The following TTN variants were observed in gnomAD, a reference collection of about 807,000 sequenced individuals.
TTN encodes the protein connectin.
TTN carries 1,525 observed loss-of-function variants against 3,223.0 expected under a neutral mutation model. That is an observed-to-expected ratio of 0.47 (90% CI 0.45 to 0.49). TTN has a LOEUF of 0.49. Among genes scored for constraint, TTN ranks in the 20% least tolerant of loss-of-function variants. TTN has a pLI of 0.00. For synonymous variants in TTN, 14,094 were observed against 15,161.0 expected (o/e 0.93, Z 5.17); for missense variants, 40,786 against 43,424.0 (o/e 0.94, Z 5.40).
Position 178,605,408 on chromosome 2 carries a change from C to T in TTN, c.53881+6G>A, listed in dbSNP as rs1553682704. Reference sequence around the variant, plus strand: ...TTAAAATTATTATTATATTCAGATTCCGCACCTTCATCATCTTGTATGACT... The same window carrying T: ...TTAAAATTATTATTATATTCAGATTTCGCACCTTCATCATCTTGTATGACT... On this transcript the variant is annotated splice_donor_region_variant and intron_variant, in intron 279 of 362. Coordinates refer to ENST00000589042, the MANE Select transcript of TTN (RefSeq NM_001267550.2). 1 of 1,573,972 alleles carries T rather than the reference C, an allele frequency of 6.4e-7. No homozygotes were observed. The highest frequency in any genetic ancestry group is 8.6e-7 in the Non-Finnish European group (1 of 1,160,942).
chr2:178,624,316 A>G lies in TTN; in HGVS notation c.44815+149T>C. The G allele has an allele frequency of 3.3e-6, 3 of 913,210 alleles. No homozygotes were observed. The South Asian group carries it at 4.8e-5, about 14-fold the overall frequency. 56.6% of individuals were successfully genotyped at this position (913,210 alleles called of 1,614,324 possible). ...CTTTTCTTTTTTTCTTTAAACACATAAAGGATCAGGTTAGGTCAGTGTCAA... is the reference window on the plus strand; with the variant it reads ...CTTTTCTTTTTTTCTTTAAACACATGAAGGATCAGGTTAGGTCAGTGTCAA... On this transcript the variant is annotated intron_variant, in intron 242 of 362. Coordinates refer to ENST00000589042, the MANE Select transcript of TTN (RefSeq NM_001267550.2).
At position 178,540,320 on chromosome 2, in the gene TTN, A is replaced by T; in HGVS notation, c.97846T>A (p.Ser32616Thr). 3 of 1,613,712 alleles carry T rather than the reference A, an allele frequency of 1.9e-6. No homozygotes were observed. Among genetic ancestry groups the T allele is most frequent in the Non-Finnish European group, 2.5e-6 (3 of 1,179,704 alleles). ...GGAACACTCCAGGCCAGGGAGACTG[A>T]TGTCCTTGTTGTATCAGTAACTCTT... ...NPRVTDTTRT[S>T]VSLAWSVPED... The change falls in exon 351 of 363, where the codon TCA (serine) becomes ACA (threonine). Residue 32616 changes from serine (S) to threonine (T), a missense_variant. Transcript: ENST00000589042.
Position 178,553,902 on chromosome 2 carries a change from A to G in TTN, c.89197+12T>C, listed in dbSNP as rs747431999. 2.5e-6 allele frequency: 4 copies of G among 1,581,738 alleles called. No homozygotes were observed. In the East Asian group the frequency reaches 9.0e-5, roughly 35 times the overall value. ...AGACACAGGTGAAGATGCTGCAGGTATGAGCACTTACCAATAGGATCAGCA... is the reference window on the plus strand; with the variant it reads ...AGACACAGGTGAAGATGCTGCAGGTGTGAGCACTTACCAATAGGATCAGCA... On this transcript the variant is annotated intron_variant, in intron 333 of 362. Coordinates refer to ENST00000589042, the MANE Select transcript of TTN (RefSeq NM_001267550.2).
intron 308 of TTN, among the ~76,000 whole-genome samples, chr2:178,585,568 T>C (rs974901920): frequency 1.3e-5 from 2 of 151,974 alleles, no homozygotes; most frequent in African/African-American, 4.8e-5. Flanking sequence ...ACATTAGGTA[T>C]TCTCCTAATG....
At position 178,773,607 on chromosome 2, in the gene TTN, T is replaced by C. The variant is rs1421286246; in HGVS notation, c.7449A>G (p.Glu2483=). The C allele has an allele frequency of 3.1e-6, 5 of 1,613,910 alleles. No individual in the cohort carries two copies. Among genetic ancestry groups the C allele is most frequent in the Non-Finnish European group, 4.2e-6 (5 of 1,179,980 alleles). ...VTSVKWYLND[E]QIKPDDRVQA... ...GTACACGGTCATCAGGCTTGATTTG[T>C]TCATCATTTAAGTACCACTTAACAG... The change falls in exon 32 of 363, where the codon GAA becomes GAG. Residue 2483 remains glutamate (E), a synonymous_variant. Transcript: ENST00000589042.
At chr2:178,726,636 G>A (rs1368142958) in intron 69 of TTN, 1 of 153,294 alleles carries the variant, frequency 6.5e-6, no homozygotes, top group East Asian at 1.9e-4. Flanking sequence ...ATCCTTGAGA[G>A]AGAAGGAAAA....
rs770466417 is a variant in TTN, at chr2:178,636,494, T to C, written c.41233A>G (p.Ile13745Val). 15 of 1,613,494 alleles carry C rather than the reference T, an allele frequency of 9.3e-6. No individual in the cohort carries two copies. The South Asian group carries it at 1.4e-4, about 15-fold the overall frequency. ...IADGKDRKLH[I>V]IDVQLSDAGE... ...GCATCGGAAAGTTGAACATCAATGATGTGCAGCTTTCTGTCTTTACCATCT... is the reference window on the plus strand; with the variant it reads ...GCATCGGAAAGTTGAACATCAATGACGTGCAGCTTTCTGTCTTTACCATCT... The change falls in exon 225 of 363, where the codon ATC becomes GTC. Residue 13745 changes from isoleucine (I) to valine (V), a missense_variant. Coordinates refer to ENST00000589042, the MANE Select transcript of TTN (RefSeq NM_001267550.2). This position sits in a 1 kb window ranked among gnomAD's most constrained non-coding sequence, Gnocchi z 4.3.
chr2:178,804,173 T>A (rs2094202886), intron 2 of TTN, among the ~76,000 whole-genome samples: 1 of 152,218 alleles, frequency 6.6e-6, no homozygotes, highest in South Asian at 2.1e-4. Context: ...CCAGACTGCC[T>A]ACCCCATGGC....
rs1295193843 is a variant in TTN at position 178,620,084 on chromosome 2, G to A, written c.46333C>T (p.His15445Tyr). ...KYKFEKDGSI[H>Y]RLIIKDCRLD... is the part of the protein sequence containing the mutation. Reference sequence around the variant, plus strand: ...CTGCAATCTTTTATAATGAGTCTGTGTATACTTCCATCTTTTTCAAATTTG... The same window carrying A: ...CTGCAATCTTTTATAATGAGTCTGTATATACTTCCATCTTTTTCAAATTTG... Residue 15445 changes from histidine to tyrosine, a missense_variant, in exon 249 of 363, where the codon CAC (histidine) becomes TAC (tyrosine). Coordinates refer to ENST00000589042, the MANE Select transcript of TTN (RefSeq NM_001267550.2). 1 of 1,611,238 alleles carries A rather than the reference G, an allele frequency of 6.2e-7. No homozygotes were observed. The highest frequency in any genetic ancestry group is 1.1e-5 in the South Asian group (1 of 90,658).
rs72650027 is a variant in TTN, at chr2:178,688,815, G to T, written c.32096-37C>A. 0.016 allele frequency: 23,841 copies of T among 1,501,008 alleles called. 241 individuals are homozygous for T. The highest frequency in any genetic ancestry group is 0.019 in the Non-Finnish European group (20,149 of 1,080,496). The allele number at this position is 1,501,008 out of a possible 1,614,324, so 93.0% of individuals were successfully genotyped here. A position where few individuals can be genotyped will look rare whatever the true frequency, so the allele number is the denominator to read the frequency against. The stretch of plus-strand genomic sequence containing the variant: ...TGTTAAAGTTGAAGTTTAAAATCAA[G>T]AATTTTAACAATTCTCACTTTCTAG... On this transcript the variant is annotated intron_variant, in intron 125 of 362. Transcript: ENST00000589042.
chr2:178,745,917 C>A, intron 47 of TTN: 3 of 1,609,072 alleles, frequency 1.9e-6, no homozygotes, highest in Non-Finnish European at 2.5e-6. Flanking sequence ...CTCTTTAAGA[C>A]CAATTCTTCC....
chr2:178,758,383 A>C (rs1328597491), intron 44 of TTN, among the ~76,000 whole-genome samples: 1 of 152,216 alleles, frequency 6.6e-6, no homozygotes, highest in African/African-American at 2.4e-5. Context: ...CCACTATATA[A>C]AAATGCTATC....
intron 255 of TTN, 25 bp downstream of exon 255, chr2:178,617,095 A>T: frequency 6.2e-7 from 1 of 1,610,442 alleles, no homozygotes; most frequent in South Asian, 1.1e-5. Flanking sequence ...CTATTCCCCG[A>T]TCTAAAAATA....
In TTN at chr2:178,570,606, G is replaced by A. The variant is rs368339903; in HGVS notation, c.75526C>T (p.Arg25176Cys). 33 of 1,613,266 alleles carry A rather than the reference G, an allele frequency of 2.0e-5. No homozygotes were observed. In the Admixed American group the frequency reaches 2.8e-4, roughly 14 times the overall value. The change falls in exon 326 of 363, where the codon CGT becomes TGT. Residue 25176 changes from arginine to cysteine, a missense_variant. Arg to Cys is a radical substitution (Grantham distance 180). Coordinates refer to ENST00000589042, the MANE Select transcript of TTN (RefSeq NM_001267550.2). ...ATSLSVKDAVRVDSGNYILKA... is the reference protein window; with the variant it reads ...ATSLSVKDAVCVDSGNYILKA... Reference sequence around the variant, plus strand: ...AGTATGTAATTTCCACTGTCGACACGTACTGCATCTTTTACACTGAGACTG... The same window carrying A: ...AGTATGTAATTTCCACTGTCGACACATACTGCATCTTTTACACTGAGACTG...
chr2:178,763,902 A>C (rs568553629), intron 43 of TTN, among the ~76,000 whole-genome samples: 1 of 148,450 alleles, frequency 6.7e-6, no homozygotes, highest in East Asian at 2.0e-4. Flanking sequence ...TAAAGGGAAC[A>C]TGACCTTTTT....
rs561184293 is a variant in TTN at position 178,579,149 on chromosome 2, A to T, written c.67881T>A (p.Asn22627Lys). The T allele has an allele frequency of 6.8e-6, 11 of 1,613,454 alleles. 1 individual carries two copies. In the South Asian group the frequency reaches 1.2e-4, roughly 18 times the overall value. ...TAGTTCCTTCCTTGGTGCCAGCAAC[A>T]TTCTTAAGTGTGATTGTGTATTTTC... ...DAGKYTITLKNVAGTKEGTIS... is the reference protein window; with the variant it reads ...DAGKYTITLKKVAGTKEGTIS... The change falls in exon 320 of 363, where the codon AAT becomes AAA. Residue 22627 changes from asparagine to lysine, a missense_variant. By Grantham distance (94) the Asn-to-Lys change is moderately conservative. Transcript: ENST00000589042.
Position 178,590,221 on chromosome 2 carries a change from C to T in TTN, c.61504G>A (p.Gly20502Ser). 6.3e-7 allele frequency: 1 copy of T among 1,599,372 alleles called. No homozygotes were observed. The highest frequency in any genetic ancestry group is 1.7e-5 in the Admixed American group (1 of 58,674). Residue 20502 changes from glycine (G) to serine (S), a missense_variant, in exon 304 of 363, where the codon GGC becomes AGC. Transcript: ENST00000589042. ...CAAGTTATGTCTGGTTCAGGTCTGC[C>T]TTTGACTCGAGCTAGAATGCGGATA... ...QTIRILARVK[G>S]RPEPDITWTK...
chr2:178,579,384 T>C lies in TTN; in HGVS notation c.67646A>G (p.Asp22549Gly). 3 of 1,566,860 alleles carry C rather than the reference T, an allele frequency of 1.9e-6. No homozygotes were observed. Among genetic ancestry groups the C allele is most frequent in the Non-Finnish European group, 2.6e-6 (3 of 1,163,454 alleles). The change falls in exon 320 of 363, where the codon GAT (aspartate) becomes GGT (glycine). Residue 22549 changes from aspartate (D) to glycine (G), a missense_variant. Coordinates refer to ENST00000589042, the MANE Select transcript of TTN (RefSeq NM_001267550.2). Reference protein sequence around the residue: ...VVARDDVVAPDLDLKGLPDLC... With the variant: ...VVARDDVVAPGLDLKGLPDLC... Reference sequence around the variant, plus strand: ...ATCAGGTAGACCCTTTAAGTCAAGATCAGGAGCCACTGTAAAATAGCAGAG... The same window carrying C: ...ATCAGGTAGACCCTTTAAGTCAAGACCAGGAGCCACTGTAAAATAGCAGAG...
Position 178,604,775 on chromosome 2 carries a change from C to T in TTN, c.54314G>A (p.Arg18105His), listed in dbSNP as rs760383112. 1.7e-5 allele frequency: 27 copies of T among 1,612,142 alleles called. No individual in the cohort carries two copies. Among genetic ancestry groups the T allele is most frequent in the Admixed American group, 1.5e-4 (9 of 59,878 alleles). ...SEITHYVIDK[R>H]DASRKKAEWE... ...TTCTGCTTTCTTCCTACTTGCATCA[C>T]GTTTGTCAATAACATAATGGGTGAT... is the stretch of plus-strand genomic sequence containing the variant. Residue 18105 changes from arginine to histidine, a missense_variant, in exon 281 of 363, where the codon CGT (arginine) becomes CAT (histidine). Arg to His is a conservative substitution (Grantham distance 29). Coordinates refer to ENST00000589042, the MANE Select transcript of TTN (RefSeq NM_001267550.2).
Sources: gnomAD v4.1 joint callset for allele counts (sites outside exome capture counted in the v4.1 genomes callset) on GRCh38, gnomAD v4.1.1 for gene constraint, Gnocchi (gnomAD v3.1) non-coding constraint, MANE v1.5 for transcripts, NCBI Gene and HGNC (gene_info 2026-07-23, HGNC 2026-07-21) for gene names.